The following ZFHX3 variants were observed in gnomAD, a reference collection of about 807,000 sequenced individuals.
ZFHX3 encodes the protein zinc finger homeobox protein 3.
Under a neutral mutation model 279.1 loss-of-function variants are expected in ZFHX3, and 42 were observed. The ratio of observed to expected loss-of-function variants is 0.15; its 90% CI spans 0.12 to 0.19. The LOEUF is 0.19. Ranked by LOEUF, ZFHX3 falls within the 10% of genes least tolerant of loss-of-function variation. The pLI is 1.00. For synonymous variants in ZFHX3, 2,293 were observed against 1,957.8 expected (o/e 1.17, Z -4.52); for missense variants, 4,981 against 4,754.0 (o/e 1.05, Z -1.40).
chr16:72,988,598 A>T lies in ZFHX3; in HGVS notation c.-49-28404T>A, dbSNP rs11862771. Among the ~76,000 whole-genome samples, 89 of 151,646 alleles carry T rather than the reference A, an allele frequency of 5.9e-4. 1 individual carries two copies. In the East Asian group the frequency reaches 0.016, roughly 27 times the overall value. ...TCATTTCCAAGTGATCCTGATTGGA[A>T]TTCAATTGCACTAACTGGGTCCCTG... is the stretch of plus-strand genomic sequence containing the variant. On this transcript the variant is annotated intron_variant, in intron 1 of 9. Transcript: ENST00000268489.
At chr16:73,394,056 T>C (rs1440467152) in intron 3 of ZFHX3, among the ~76,000 whole-genome samples, 2 of 149,910 alleles carry the variant, frequency 1.3e-5, no homozygotes, top group South Asian at 2.1e-4. Context: ...TTGATAACAG[T>C]AAAACTAAAT....
At chr16:72,979,798 A>G (rs1962506586) in intron 1 of ZFHX3, among the ~76,000 whole-genome samples, 1 of 152,218 alleles carries the variant, frequency 6.6e-6, no homozygotes, top group Admixed American at 6.5e-5. Flanking sequence ...GAACCAAAAA[A>G]ATCAAGCTTA....
At chr16:72,835,283 G>C (rs1294803550) in intron 4 of ZFHX3, among the ~76,000 whole-genome samples, 1 of 152,108 alleles carries the variant, frequency 6.6e-6, no homozygotes. Context: ...GGAAAATGCG[G>C]CGGTGCAGCT....
At chr16:73,494,236 A>G (rs767335973) in intron 2 of ZFHX3, among the ~76,000 whole-genome samples, 2 of 152,230 alleles carry the variant, frequency 1.3e-5, no homozygotes, top group South Asian at 2.1e-4. Flanking sequence ...GTCTACATCA[A>G]TACGGACGGA....
chr16:73,734,922 A>G (rs548754871), intron 1 of ZFHX3, among the ~76,000 whole-genome samples: 2 of 152,332 alleles, frequency 1.3e-5, no homozygotes, highest in Non-Finnish European at 2.9e-5. Context: ...ATACACACTG[A>G]TATGTATTAT....
intron 1 of ZFHX3, among the ~76,000 whole-genome samples, chr16:73,835,441 C>A (rs924538468): frequency 2.0e-5 from 3 of 150,356 alleles, no homozygotes; most frequent in Non-Finnish European, 4.4e-5. Flanking sequence ...CAACTTTCCT[C>A]CACCATCCCT....
At chr16:72,831,640 T>C (rs1481372831) in intron 4 of ZFHX3, among the ~76,000 whole-genome samples, 1 of 152,214 alleles carries the variant, frequency 6.6e-6, no homozygotes, top group African/African-American at 2.4e-5. Context: ...CTTCATTATG[T>C]CCAGGTGGGA....
At chr16:73,226,716 C>T (rs2012604787) in intron 5 of ZFHX3, among the ~76,000 whole-genome samples, 2 of 152,198 alleles carry the variant, frequency 1.3e-5, no homozygotes, top group South Asian at 4.1e-4. Flanking sequence ...ATTGATGGTA[C>T]TTCCCACCTT....
At chr16:73,410,158 G>C (rs941344432) in intron 3 of ZFHX3, among the ~76,000 whole-genome samples, 1 of 152,224 alleles carries the variant, frequency 6.6e-6, no homozygotes, top group African/African-American at 2.4e-5. Context: ...GCTCACACCT[G>C]TAATCCCAGC....
intron 1 of ZFHX3, among the ~76,000 whole-genome samples, chr16:73,870,413 G>T (rs1431962873): frequency 6.6e-6 from 1 of 152,190 alleles, no homozygotes; most frequent in South Asian, 2.1e-4. Context: ...ACGGAGGAGA[G>T]ACAAGACTCA....
chr16:73,505,820 G>T (rs1476687145), intron 2 of ZFHX3, among the ~76,000 whole-genome samples: 1 of 152,218 alleles, frequency 6.6e-6, no homozygotes, highest in Non-Finnish European at 1.5e-5. Flanking sequence ...GCATTGCAGA[G>T]CACAGCCAAG....
rs538249443 is a variant in ZFHX3 at position 73,700,526 on chromosome 16, C to A, written c.-1607-20286G>T. Among the ~76,000 whole-genome samples the A allele has an allele frequency of 7.2e-5, 11 of 152,246 alleles. No homozygotes were observed. In the South Asian group the frequency reaches 2.3e-3, roughly 32 times the overall value. On this transcript the variant is annotated intron_variant, in intron 1 of 17. Transcript: ENST00000641206. Reference sequence around the variant, plus strand: ...TAGAATACATGTTATTTTCTTAATACACCTAAAGTCTATTATGTAAATTCA... The same window carrying A: ...TAGAATACATGTTATTTTCTTAATAAACCTAAAGTCTATTATGTAAATTCA...
chr16:73,480,677 G>A (rs1008621534), intron 2 of ZFHX3, among the ~76,000 whole-genome samples: 1 of 152,292 alleles, frequency 6.6e-6, no homozygotes, highest in Admixed American at 6.5e-5. Flanking sequence ...CACTCTGGCT[G>A]GAGTGAAGAG....
chr16:73,837,023 C>T (rs2142364457), intron 1 of ZFHX3, among the ~76,000 whole-genome samples: 1 of 152,344 alleles, frequency 6.6e-6, no homozygotes, highest in Middle Eastern at 3.4e-3. Context: ...TTGGACTTCC[C>T]AGTCTCCAGA....
At chr16:72,982,004 T>C (rs574984382) in intron 1 of ZFHX3, among the ~76,000 whole-genome samples, 12 of 150,508 alleles carry the variant, frequency 8.0e-5, no homozygotes, top group African/African-American at 2.9e-4. Flanking sequence ...TGCTTCAGCC[T>C]CCTGAGTAGC....
At chr16:73,248,212 ATG>A (rs779662213) in intron 5 of ZFHX3, among the ~76,000 whole-genome samples, 4 of 146,910 alleles carry the variant, frequency 2.7e-5, no homozygotes, top group African/African-American at 1.0e-4. Flanking sequence ...GTGTGTATAT[ATG>A]TGTGTGTGTA....
intron 5 of ZFHX3, among the ~76,000 whole-genome samples, chr16:73,241,183 C>T (rs1327690028): frequency 6.6e-6 from 1 of 152,140 alleles, no homozygotes. Context: ...CACCTGTGCC[C>T]ATATACAGAG....
intron 2 of ZFHX3, among the ~76,000 whole-genome samples, chr16:73,668,503 T>C (rs1303010302): frequency 6.6e-6 from 1 of 152,004 alleles, no homozygotes; most frequent in Non-Finnish European, 1.5e-5. Context: ...CCCCTCCCTG[T>C]GTCTATGTGT....
intron 5 of ZFHX3, among the ~76,000 whole-genome samples, chr16:73,163,419 A>T (rs1384885678): frequency 6.6e-6 from 1 of 152,232 alleles, no homozygotes; most frequent in African/African-American, 2.4e-5. Context: ...CCAGCCCGTG[A>T]CTTGTTTTTG....
Sources: gnomAD v4.1 joint callset for allele counts (sites outside exome capture counted in the v4.1 genomes callset) on GRCh38, gnomAD v4.1.1 for gene constraint, MANE v1.5 for transcripts, NCBI Gene and HGNC (gene_info 2026-07-23, HGNC 2026-07-21) for gene names.